Variants in ROS1 observed in about 807,000 individuals in gnomAD.
ROS1 encodes the protein proto-oncogene tyrosine-protein kinase ROS.
Under a neutral mutation model 273.5 loss-of-function variants are expected in ROS1, and 263 were observed. The observed-to-expected ratio is 0.96, with a 90% confidence interval of 0.87 to 1.06. The LOEUF (loss-of-function observed/expected upper bound fraction) is 1.06. Ranked by LOEUF, ROS1 falls within the 50% of genes least tolerant of loss-of-function variation. ROS1 has a pLI of 0.00. For synonymous variants in ROS1, 1,008 were observed against 954.1 expected (o/e 1.06, Z -1.04); for missense variants, 2,833 against 2,751.1 (o/e 1.03, Z -0.67).
chr6:117,388,878 C>T (rs1455736182), intron 13 of ROS1, among the ~76,000 whole-genome samples: 1 of 152,172 alleles, frequency 6.6e-6, no homozygotes, highest in Admixed American at 6.5e-5. Flanking sequence ...TGCCCAGGGT[C>T]ATTCTATTAA....
intron 43 of ROS1, among the ~76,000 whole-genome samples, chr6:117,293,311 T>A (rs1773973698): frequency 1.3e-5 from 2 of 152,186 alleles, no homozygotes; most frequent in Non-Finnish European, 2.9e-5. Flanking sequence ...AATAAGCTTA[T>A]TTGTAAGAAA....
At chr6:117,373,219 T>C (rs1460488437) in intron 18 of ROS1, among the ~76,000 whole-genome samples, 1 of 152,248 alleles carries the variant, frequency 6.6e-6, no homozygotes, top group Non-Finnish European at 1.5e-5. Context: ...GGAGCCCATC[T>C]GGCTTCGCCT....
chr6:117,410,030 G>A (rs1345814121), intron 4 of ROS1, among the ~76,000 whole-genome samples: 2 of 152,136 alleles, frequency 1.3e-5, no homozygotes, highest in East Asian at 1.9e-4. Context: ...AAAGTACACA[G>A]TTCAGTGCTG....
At chr6:117,410,247 C>T (rs974136320) in intron 4 of ROS1, among the ~76,000 whole-genome samples, 49 of 152,160 alleles carry the variant, frequency 3.2e-4, no homozygotes, top group African/African-American at 1.2e-3. Flanking sequence ...TTTGAAAAAA[C>T]ACTGAGCTTA....
At chr6:117,390,338 G>A (rs1352458079) in intron 12 of ROS1, among the ~76,000 whole-genome samples, 1 of 152,100 alleles carries the variant, frequency 6.6e-6, no homozygotes, top group African/African-American at 2.4e-5. Flanking sequence ...TGTTGCCCAA[G>A]CTAGTCCTGA....
chr6:117,311,206 T>C (rs925096542), intron 39 of ROS1, 89 bp from the exon 40 acceptor site: 9 of 623,936 alleles, frequency 1.4e-5, no homozygotes, highest in Non-Finnish European at 2.2e-5. Flanking sequence ...GATACATGTA[T>C]ATGCATATGC....
At chr6:117,392,006 A>C (rs1773106813) in intron 12 of ROS1, among the ~76,000 whole-genome samples, 1 of 152,198 alleles carries the variant, frequency 6.6e-6, no homozygotes, top group Admixed American at 6.5e-5. Flanking sequence ...CTAATGGAAA[A>C]AAAGAGCCAC....
chr6:117,313,918 C>T (rs762026490), intron 39 of ROS1, among the ~76,000 whole-genome samples: 4 of 152,000 alleles, frequency 2.6e-5, no homozygotes, highest in East Asian at 1.9e-4. Flanking sequence ...ATGGTTGCAG[C>T]GAAGGAGACG....
chr6:117,423,113 G>A (rs1270155231), intron 1 of ROS1, among the ~76,000 whole-genome samples: 18 of 152,086 alleles, frequency 1.2e-4, no homozygotes, highest in Admixed American at 1.2e-3. Context: ...AAAACTATGA[G>A]AATGCAAAGG....
intron 32 of ROS1, among the ~76,000 whole-genome samples, 198 bp from the exon 33 acceptor site, chr6:117,329,644 AC>A (rs757074552): frequency 6.6e-6 from 1 of 152,142 alleles, no homozygotes. Flanking sequence ...TGAGTCCTTC[AC>A]CGGCAAGGTA....
chr6:117,415,774 A>G (rs1775290223), intron 3 of ROS1, among the ~76,000 whole-genome samples: 1 of 152,144 alleles, frequency 6.6e-6, no homozygotes, highest in Admixed American at 6.5e-5. Flanking sequence ...GAAACTTTGA[A>G]CATGACCTAC....
Position 117,424,978 on chromosome 6 carries a change from T to G in ROS1, c.123+556A>C, listed in dbSNP as rs1489447281. On this transcript the variant is annotated intron_variant, in intron 1 of 43. Transcript: ENST00000368507. ...GATGGTACAATAGTTAGAGAAGGGA[T>G]GACACCCAGAAATGAGAATGAAAGC... Among the ~76,000 whole-genome samples, 3 of 152,130 alleles carry G rather than the reference T, an allele frequency of 2.0e-5. No homozygotes were observed. The South Asian group carries it at 6.2e-4, about 31-fold the overall frequency.
intron 43 of ROS1, among the ~76,000 whole-genome samples, chr6:117,299,938 T>C (rs558333905): frequency 2.0e-3 from 302 of 150,940 alleles, no homozygotes; most frequent in African/African-American, 6.9e-3. Context: ...TTTTTTTTTT[T>C]TTGAGATGGA....
At chr6:117,369,915 A>T (rs1416528095) in intron 18 of ROS1, among the ~76,000 whole-genome samples, 4 of 152,204 alleles carry the variant, frequency 2.6e-5, no homozygotes, top group African/African-American at 9.6e-5. Context: ...ACGTGCATAC[A>T]CATATATATA....
rs1319726072 is a variant in ROS1, at chr6:117,341,449, A to T, written c.4835T>A (p.Leu1612His). 6 of 1,613,826 alleles carry T rather than the reference A, an allele frequency of 3.7e-6. No individual in the cohort carries two copies. In the South Asian group the frequency reaches 6.6e-5, roughly 18 times the overall value. ...AGACAGTCTAGTAACAAGGAGAGTG[A>T]GCCTTCCATTTGGAAATTCACTTTG... Reference protein sequence around the residue: ...LRQSEFPNGRLTLLVTRLSGG... With the variant: ...LRQSEFPNGRHTLLVTRLSGG... The change falls in exon 30 of 44, where the codon CTC (leucine) becomes CAC (histidine). Residue 1612 changes from leucine (L) to histidine (H), a missense_variant. Physicochemically the swap from Leu to His is moderately conservative, Grantham distance 99. Transcript: ENST00000368507.
chr6:117,385,416 A>G (rs1020846917), intron 16 of ROS1, among the ~76,000 whole-genome samples: 37 of 152,050 alleles, frequency 2.4e-4, no homozygotes, highest in African/African-American at 8.5e-4. Context: ...GTAGCCAGGC[A>G]TGGTGGCATA....
chr6:117,351,362 A>G (rs1778850077), intron 27 of ROS1, among the ~76,000 whole-genome samples: 1 of 152,108 alleles, frequency 6.6e-6, no homozygotes, highest in Non-Finnish European at 1.5e-5. Flanking sequence ...TCTTGAATGC[A>G]GCCCTTGTTA....
chr6:117,389,064 G>C (rs1222147814), intron 13 of ROS1, among the ~76,000 whole-genome samples: 2 of 152,120 alleles, frequency 1.3e-5, no homozygotes, highest in Non-Finnish European at 2.9e-5. Flanking sequence ...CTATCTCCCT[G>C]GCTATTTGTT....
At chr6:117,374,784 C>A (rs1295618919) in intron 18 of ROS1, among the ~76,000 whole-genome samples, 3 of 152,068 alleles carry the variant, frequency 2.0e-5, no homozygotes, top group Non-Finnish European at 4.4e-5. Flanking sequence ...AAGAAAAAAG[C>A]AAACCATCTC....
Sources: gnomAD v4.1 joint callset for allele counts (sites outside exome capture counted in the v4.1 genomes callset) on GRCh38, gnomAD v4.1.1 for gene constraint, MANE v1.5 for transcripts, NCBI Gene and HGNC (gene_info 2026-07-23, HGNC 2026-07-21) for gene names.